Variants in TMPRSS12 observed in about 807,000 individuals in gnomAD.
TMPRSS12 encodes the protein transmembrane serine protease 12.
TMPRSS12 carries 25 observed loss-of-function variants against 26.0 expected under a neutral mutation model. The ratio of observed to expected loss-of-function variants is 0.96; its 90% CI spans 0.70 to 1.34. TMPRSS12 has a LOEUF of 1.34. Among genes scored for constraint, TMPRSS12 ranks in the 40% most tolerant of loss-of-function variants. The pLI, the probability that TMPRSS12 is intolerant of heterozygous loss-of-function variation, is 0.00. For missense variants in TMPRSS12, 441 were observed against 440.1 expected (o/e 1.00, Z -0.02); for synonymous variants, 150 against 161.7 (o/e 0.93, Z 0.55).
At chr12:50,882,040 T>TATATATATA (rs1008545004) in intron 3 of TMPRSS12, among the ~76,000 whole-genome samples, 7 of 124,308 alleles carry the variant, frequency 5.6e-5, no homozygotes, top group African/African-American at 2.1e-4. Flanking sequence ...TATATATATA[T>TATATATATA]ATGTTTATTT....
intron 3 of TMPRSS12, 47 bp downstream of exon 3, chr12:50,859,100 G>A (rs756589402): frequency 4.7e-6 from 7 of 1,484,778 alleles, no homozygotes; most frequent in Non-Finnish European, 6.3e-6. Context: ...CTGATTATGG[G>A]CAGAGGAAGG....
At chr12:50,877,422 A>C (rs547643383) in intron 3 of TMPRSS12, among the ~76,000 whole-genome samples, 126 of 152,326 alleles carry the variant, frequency 8.3e-4, no homozygotes, top group Non-Finnish European at 2.8e-4. Context: ...CAAAAAGGGA[A>C]ACTTTATTCA....
chr12:50,887,719 T>A lies in TMPRSS12; in HGVS notation c.*206T>A. 1.9e-6 allele frequency: 1 copy of A among 529,160 alleles called. No homozygotes were observed. Among genetic ancestry groups the A allele is most frequent in the Non-Finnish European group, 3.2e-6 (1 of 312,526 alleles). The allele number at this position is 529,160 out of a possible 1,614,324, so 32.8% of individuals were successfully genotyped here. A position where few individuals can be genotyped will look rare whatever the true frequency, so the allele number is the denominator to read the frequency against. Reference sequence around the variant, plus strand: ...GTCTCCTTGAAATATCTTGATTATTTTATAATCATAATTCTGTATCTGGAA... The same window carrying A: ...GTCTCCTTGAAATATCTTGATTATTATATAATCATAATTCTGTATCTGGAA... On this transcript the variant is annotated 3_prime_UTR_variant, in exon 5 of 5. Transcript: ENST00000398458.
At chr12:50,849,628 A>G (rs1631348) in intron 2 of TMPRSS12, among the ~76,000 whole-genome samples, 114,692 of 151,862 alleles carry the variant, frequency 0.76, 43,479 homozygotes, top group Non-Finnish European at 0.78. Flanking sequence ...AAAGAGAGTC[A>G]TGCAATGTAT....
intron 3 of TMPRSS12, among the ~76,000 whole-genome samples, chr12:50,873,686 T>G (rs1938087948): frequency 6.6e-6 from 1 of 152,140 alleles, no homozygotes; most frequent in Non-Finnish European, 1.5e-5. Flanking sequence ...TGGAGAAAAT[T>G]TTTGGATGTT....
At chr12:50,856,089 A>G (rs572762738) in intron 2 of TMPRSS12, among the ~76,000 whole-genome samples, 3 of 152,322 alleles carry the variant, frequency 2.0e-5, no homozygotes, top group South Asian at 4.1e-4. Flanking sequence ...AAAACTAACT[A>G]TTGGGTACTA....
At chr12:50,867,716 C>T (rs576833856) in intron 3 of TMPRSS12, among the ~76,000 whole-genome samples, 74 of 152,206 alleles carry the variant, frequency 4.9e-4, no homozygotes, top group African/African-American at 1.7e-3. Flanking sequence ...TCTTAAGAGC[C>T]GTGAGACAAA....
chr12:50,870,227 C>A (rs1297711575), intron 3 of TMPRSS12, among the ~76,000 whole-genome samples: 1 of 151,816 alleles, frequency 6.6e-6, no homozygotes, highest in East Asian at 1.9e-4. Context: ...CAAAACAAAA[C>A]AAAACAAAAA....
intron 1 of TMPRSS12, 106 bp downstream of exon 1, chr12:50,843,257 A>G: frequency 7.8e-7 from 1 of 1,276,558 alleles, no homozygotes; most frequent in Non-Finnish European, 1.0e-6. Flanking sequence ...AATGGCCTTT[A>G]ACCAAAATTT....
intron 3 of TMPRSS12, among the ~76,000 whole-genome samples, chr12:50,862,682 C>T (rs372471468): frequency 6.6e-5 from 10 of 152,054 alleles, no homozygotes; most frequent in Admixed American, 2.6e-4. Flanking sequence ...TGTACCACCA[C>T]GCCCAGTTAA....
intron 3 of TMPRSS12, among the ~76,000 whole-genome samples, chr12:50,871,574 TACAA>T (rs1170738873): frequency 1.3e-5 from 2 of 152,192 alleles, no homozygotes; most frequent in African/African-American, 4.8e-5. Context: ...GCAAACGCAA[TACAA>T]ACAAAGATAA....
At chr12:50,844,194 TTTA>T (rs140958977) in intron 2 of TMPRSS12, among the ~76,000 whole-genome samples, 157 bp downstream of exon 2, 10,210 of 151,550 alleles carry the variant, frequency 0.067, 375 homozygotes, top group Middle Eastern at 0.1. Context: ...GAATCCTTTA[TTTA>T]TTATTATTAT....
At position 50,843,155 on chromosome 12, in the gene TMPRSS12, G is replaced by A; in HGVS notation, c.187+4G>A. 6.4e-7 allele frequency: 1 copy of A among 1,553,192 alleles called. No homozygotes were observed. The highest frequency in any genetic ancestry group is 8.7e-7 in the Non-Finnish European group (1 of 1,147,482). ...GAGGGAGGGGCGCATGCAGAGGGCA[G>A]TACCTGTTCGTGCCTGTCTCTGGGG... On this transcript the variant is annotated splice_donor_region_variant and intron_variant, in intron 1 of 4. Coordinates refer to ENST00000398458, the MANE Select transcript of TMPRSS12 (RefSeq NM_182559.3).
At chr12:50,850,763 G>A (rs1023149922) in intron 2 of TMPRSS12, among the ~76,000 whole-genome samples, 3 of 152,154 alleles carry the variant, frequency 2.0e-5, no homozygotes, top group African/African-American at 7.2e-5. Flanking sequence ...GAACCCTGCT[G>A]CCACTGCCCG....
At chr12:50,864,729 C>A (rs1201895526) in intron 3 of TMPRSS12, among the ~76,000 whole-genome samples, 1 of 152,110 alleles carries the variant, frequency 6.6e-6, no homozygotes, top group Non-Finnish European at 1.5e-5. Context: ...GAGATCTTGG[C>A]TCACTGCAAG....
intron 3 of TMPRSS12, among the ~76,000 whole-genome samples, chr12:50,873,660 C>T (rs1565936308): frequency 6.6e-6 from 1 of 152,178 alleles, no homozygotes; most frequent in Non-Finnish European, 1.5e-5. Flanking sequence ...CCCCAGGGAA[C>T]ATTTGGTAAC....
At chr12:50,872,724 G>GTATATGTGTACA (rs1565935852) in intron 3 of TMPRSS12, among the ~76,000 whole-genome samples, 1 of 94,840 alleles carries the variant, frequency 1.1e-5, no homozygotes, top group Non-Finnish European at 2.2e-5. Flanking sequence ...TATATATGAC[G>GTATATGTGTACA]TATATATGTA....
intron 3 of TMPRSS12, 22 bp downstream of exon 3, chr12:50,859,075 C>T (rs757305068): frequency 6.5e-6 from 10 of 1,539,392 alleles, no homozygotes; most frequent in Non-Finnish European, 8.7e-6. Flanking sequence ...CTGAATTTTA[C>T]TGATACACAT....
In TMPRSS12 at chr12:50,843,124, C is replaced by T. The variant is rs1046143518; in HGVS notation, c.160C>T (p.Arg54Trp). 6.6e-5 allele frequency: 103 copies of T among 1,565,410 alleles called. No individual in the cohort carries two copies. In the Middle Eastern group the frequency reaches 2.0e-3, roughly 30 times the overall value. ...AEAVRKRLRR[R>W]REGGAHAEDC... ...GGCCGTCCGCAAGAGGCTCCGGCGG[C>T]GGAGGGAGGGAGGGGCGCATGCAGA... Residue 54 changes from arginine (R) to tryptophan (W), a missense_variant, in exon 1 of 5, where the codon CGG becomes TGG. Physicochemically the swap from Arg to Trp is moderately radical, Grantham distance 101 (BLOSUM62 -3). Transcript: ENST00000398458.
Sources: gnomAD v4.1 joint callset for allele counts (sites outside exome capture counted in the v4.1 genomes callset) on GRCh38, gnomAD v4.1.1 for gene constraint, MANE v1.5 for transcripts, NCBI Gene and HGNC (gene_info 2026-07-23, HGNC 2026-07-21) for gene names.